MORF4L1: variants seen among roughly 807,000 people sequenced by gnomAD.
MORF4L1 encodes mortality factor 4 like 1.
A neutral mutation model predicts 52.9 loss-of-function variants in MORF4L1; 4 were observed. The ratio of observed to expected loss-of-function variants is 0.08; its 90% CI spans 0.04 to 0.17. MORF4L1 has a LOEUF of 0.17. MORF4L1 is among the 10% of genes least tolerant of loss of function. The pLI is 1.00. For synonymous variants in MORF4L1, 123 were observed against 134.8 expected, an observed-to-expected ratio of 0.91 and a Z score of 0.61; for missense variants, 214 against 390.4, an observed-to-expected ratio of 0.55 and a Z score of 3.81.
At chr15:78,877,747 C>T (rs2056522989) in intron 1 of MORF4L1, 1 of 152,660 alleles carries the variant, frequency 6.6e-6, no homozygotes, top group South Asian at 2.1e-4. Flanking sequence ...TTAATCCAGC[C>T]AATCTCTGAT....
At chr15:78,888,974 C>T (rs907318602) in intron 5 of MORF4L1, among the ~76,000 whole-genome samples, 1 of 151,998 alleles carries the variant, frequency 6.6e-6, no homozygotes. Flanking sequence ...GTAATTTTCT[C>T]TATATAGAAA....
chr15:78,875,089 C>T (rs950937762), intron 1 of MORF4L1, among the ~76,000 whole-genome samples: 5 of 152,126 alleles, frequency 3.3e-5, no homozygotes, highest in South Asian at 2.1e-4. Flanking sequence ...CCTGTAATGT[C>T]ATAGAACGTG....
At chr15:78,884,819 G>A (rs930774261) in intron 3 of MORF4L1, 4 of 467,348 alleles carry the variant, frequency 8.6e-6, no homozygotes, top group Non-Finnish European at 1.5e-5. Context: ...AAACATAATA[G>A]ATGATGGAGA....
chr15:78,896,308 C>CTTTTTTTTTTTTTTTTT (rs71148578), intron 11 of MORF4L1, among the ~76,000 whole-genome samples: 121 of 81,424 alleles, frequency 1.5e-3, no homozygotes, highest in Non-Finnish European at 2.1e-3. Flanking sequence ...CTTTTCTTTT[C>CTTTTTTTTTTTTTTTTT]TTTTTTTTTT....
intron 1 of MORF4L1, among the ~76,000 whole-genome samples, chr15:78,877,030 C>T (rs2056505796): frequency 6.6e-6 from 1 of 151,028 alleles, no homozygotes; most frequent in African/African-American, 2.4e-5. Context: ...ACCTCCAGCT[C>T]CTGGGTTCAA....
rs1038567307 is a variant in MORF4L1, at chr15:78,897,388, A to G, written c.*321A>G. 3 of 234,562 alleles carry G rather than the reference A, an allele frequency of 1.3e-5. No homozygotes were observed. The highest frequency in any genetic ancestry group is 2.2e-5 in the African/African-American group (1 of 44,680). The allele number at this position is 234,562 out of a possible 1,614,324, so 14.5% of individuals were successfully genotyped here. On this transcript the variant is annotated 3_prime_UTR_variant, in exon 12 of 12. Transcript: ENST00000426013. Reference sequence around the variant, plus strand: ...TATTCCTTTGACACTACGCACTTTTATAATACATGTTAATGCTATATGACA... The same window carrying G: ...TATTCCTTTGACACTACGCACTTTTGTAATACATGTTAATGCTATATGACA...
At chr15:78,879,313 C>A (rs1261113613) in intron 2 of MORF4L1, among the ~76,000 whole-genome samples, 3 of 152,138 alleles carry the variant, frequency 2.0e-5, no homozygotes, top group Non-Finnish European at 4.4e-5. Context: ...CGTCCCCCTC[C>A]CGGGTTGAAG....
intron 4 of MORF4L1, among the ~76,000 whole-genome samples, chr15:78,886,967 A>C (rs1041225006): frequency 3.9e-5 from 6 of 152,092 alleles, no homozygotes; most frequent in Non-Finnish European, 8.8e-5. Context: ...AAAAAAAAAA[A>C]AAAAGAATTA....
At chr15:78,893,491 C>T (rs773292657) in intron 8 of MORF4L1, 48 bp from the exon 9 acceptor site, 9 of 1,311,062 alleles carry the variant, frequency 6.9e-6, no homozygotes, top group Non-Finnish European at 9.9e-6. Flanking sequence ...TATGATTTTT[C>T]TTTAAAAAAG....
intron 11 of MORF4L1, among the ~76,000 whole-genome samples, chr15:78,896,773 C>G (rs1311983130): frequency 6.6e-6 from 1 of 152,174 alleles, no homozygotes. Flanking sequence ...CTCCAGAGTT[C>G]ATTCCTTTGT....
chr15:78,881,174 C>T (rs984044784), intron 3 of MORF4L1, among the ~76,000 whole-genome samples: 1 of 137,828 alleles, frequency 7.3e-6, no homozygotes, highest in Non-Finnish European at 1.5e-5. Flanking sequence ...AATTTCTCAC[C>T]CCTAAGAGTT....
At chr15:78,880,144 G>A (rs967928988) in intron 2 of MORF4L1, among the ~76,000 whole-genome samples, 1 of 152,318 alleles carries the variant, frequency 6.6e-6, no homozygotes, top group African/African-American at 2.4e-5. Context: ...ATAAGCTAAT[G>A]AAGTTTTTTT....
intron 10 of MORF4L1, 56 bp downstream of exon 10, chr15:78,894,286 T>C (rs2056847527): frequency 7.2e-7 from 1 of 1,396,544 alleles, no homozygotes; most frequent in Non-Finnish European, 9.7e-7. Context: ...CTTCTCTAAA[T>C]GAATAAGAGG....
At chr15:78,873,163 A>G in intron 1 of MORF4L1, 106 bp downstream of exon 1, 1 of 1,536,402 alleles carries the variant, frequency 6.5e-7, no homozygotes, top group Non-Finnish European at 8.8e-7. Flanking sequence ...CTGCGCCCTG[A>G]GAAGGCGGCG....
chr15:78,895,576 C>G (rs2056873359), intron 11 of MORF4L1, among the ~76,000 whole-genome samples: 2 of 152,162 alleles, frequency 1.3e-5, no homozygotes, highest in Admixed American at 1.3e-4. Flanking sequence ...TGAGGTCACT[C>G]TAAACATACT....
Position 78,898,009 on chromosome 15 carries a change from C to T in MORF4L1, c.*942C>T, listed in dbSNP as rs1567324022. 6.6e-6 allele frequency: 1 copy of T among 152,092 alleles called. No homozygotes were observed. Among genetic ancestry groups the T allele is most frequent in the African/African-American group, 2.4e-5 (1 of 41,386 alleles). 9.4% of individuals were successfully genotyped at this position (152,092 alleles called of 1,614,324 possible). ...TGAGCATTAATTAAGGGCATTTTCACCTGTGTAAAATTATGGTCAGCTTTT... is the reference window on the plus strand; with the variant it reads ...TGAGCATTAATTAAGGGCATTTTCATCTGTGTAAAATTATGGTCAGCTTTT... On this transcript the variant is annotated 3_prime_UTR_variant, in exon 12 of 12. Transcript: ENST00000426013.
chr15:78,893,084 C>T (rs2056827584), intron 8 of MORF4L1: 1 of 153,122 alleles, frequency 6.5e-6, no homozygotes, highest in Non-Finnish European at 1.5e-5. Context: ...TTGTATTTGA[C>T]AATGCTGATG....
chr15:78,886,799 C>G (rs548538806), intron 4 of MORF4L1, among the ~76,000 whole-genome samples: 1 of 151,984 alleles, frequency 6.6e-6, no homozygotes, highest in South Asian at 2.1e-4. Flanking sequence ...ACTAAAAATT[C>G]AAAAAATTAG....
intron 3 of MORF4L1, among the ~76,000 whole-genome samples, 199 bp downstream of exon 3, chr15:78,880,778 T>C (rs114773219): frequency 2.6e-5 from 4 of 152,210 alleles, no homozygotes; most frequent in African/African-American, 9.6e-5. Flanking sequence ...TATACTTGGA[T>C]CTTGGGAATA....
Sources: gnomAD v4.1 joint callset for allele counts (sites outside exome capture counted in the v4.1 genomes callset) on GRCh38, gnomAD v4.1.1 for gene constraint, MANE v1.5 for transcripts, NCBI Gene and HGNC (gene_info 2026-07-23, HGNC 2026-07-21) for gene names.